Variants in SUGCT observed in about 807,000 individuals in gnomAD.
The protein encoded by SUGCT is succinyl-CoA:glutarate CoA-transferase.
In SUGCT, 41 loss-of-function variants were observed where a neutral mutation model predicts 55.0. The observed-to-expected ratio is 0.74, with a 90% CI of 0.58 to 0.97. SUGCT has a LOEUF of 0.97. Among genes scored for constraint, SUGCT ranks in the 50% least tolerant of loss-of-function variants. The pLI, the probability that SUGCT is intolerant of heterozygous loss-of-function variation, is 0.00. For missense variants in SUGCT, 568 were observed against 547.8 expected (o/e 1.04, Z -0.37); for synonymous variants, 187 against 200.4 (o/e 0.93, Z 0.56).
At chr7:40,827,002 T>C (rs1792347040) in intron 13 of SUGCT, among the ~76,000 whole-genome samples, 1 of 152,178 alleles carries the variant, frequency 6.6e-6, no homozygotes, top group Non-Finnish European at 1.5e-5. Flanking sequence ...CCACTAGATT[T>C]TTCTATCTTC....
chr7:40,192,237 G>C (rs1244290306), intron 5 of SUGCT, among the ~76,000 whole-genome samples: 2 of 151,868 alleles, frequency 1.3e-5, no homozygotes, highest in Non-Finnish European at 2.9e-5. Context: ...AAGGCAATCA[G>C]CTGGATACAT....
intron 12 of SUGCT, among the ~76,000 whole-genome samples, chr7:40,520,185 G>A (rs1414938339): frequency 6.6e-6 from 1 of 151,792 alleles, no homozygotes; most frequent in African/African-American, 2.4e-5. Flanking sequence ...TTAGACAAAC[G>A]GAATAAAAAC....
rs1386649689 is a variant in SUGCT, at chr7:40,242,920, TATATATATATATA to T, written c.576+5195_576+5207del. 3.1e-3 allele frequency among the ~76,000 whole-genome samples: 85 copies of T among 27,692 alleles called. 1 individual carries two copies. Among genetic ancestry groups the T allele is most frequent in the Non-Finnish European group, 6.0e-3 (77 of 12,860 alleles). The allele number at this position is 27,692 out of a possible 152,430, so 18.2% of individuals were successfully genotyped here. A position where few individuals can be genotyped will look rare whatever the true frequency, so the allele number is the denominator to read the frequency against. ...GTGCTATGTGGCATATATATATATA[TATATATATATATA>T]TTTTTTTTTTTTTTTTTTTTTTTTT... On this transcript the variant is annotated intron_variant, in intron 7 of 13. Transcript: ENST00000335693.
chr7:41,008,641 T>A, the SUGCT span, among the ~76,000 whole-genome samples: 1 of 151,772 alleles, frequency 6.6e-6, no homozygotes, highest in Admixed American at 6.6e-5. Context: ...ATCTTGAGTC[T>A]GCCAGCTCTG....
At chr7:40,709,098 T>C (rs1785571915) in intron 12 of SUGCT, among the ~76,000 whole-genome samples, 1 of 152,346 alleles carries the variant, frequency 6.6e-6, no homozygotes, top group South Asian at 2.1e-4. Flanking sequence ...TCAGGAATTA[T>C]GATGACATAA....
At chr7:40,479,068 A>G (rs1479595648) in intron 11 of SUGCT, among the ~76,000 whole-genome samples, 7 of 151,956 alleles carry the variant, frequency 4.6e-5, no homozygotes, top group East Asian at 1.9e-4. Flanking sequence ...ATGTGTACCT[A>G]TATATATACA....
At chr7:40,181,484 G>A (rs966351589) in intron 2 of SUGCT, among the ~76,000 whole-genome samples, 5 of 152,036 alleles carry the variant, frequency 3.3e-5, no homozygotes, top group African/African-American at 1.2e-4. Context: ...GGTGGCTCAC[G>A]CCTGTAATCC....
intron 13 of SUGCT, among the ~76,000 whole-genome samples, chr7:40,810,023 C>A (rs916288078): frequency 1.3e-5 from 2 of 152,082 alleles, no homozygotes; most frequent in Non-Finnish European, 2.9e-5. Flanking sequence ...TTGATCTAAT[C>A]CATCTTTCAT....
intron 13 of SUGCT, among the ~76,000 whole-genome samples, chr7:40,776,578 A>G (rs972660329): frequency 6.6e-6 from 1 of 152,198 alleles, no homozygotes; most frequent in African/African-American, 2.4e-5. Flanking sequence ...CCTAGAGGCT[A>G]TAAGTTTCAT....
intron 11 of SUGCT, among the ~76,000 whole-genome samples, chr7:40,488,436 C>T (rs990511183): frequency 7.9e-5 from 12 of 152,056 alleles, no homozygotes; most frequent in South Asian, 2.1e-4. Context: ...TATTCTTTAA[C>T]GAATTATCAT....
At chr7:40,268,513 T>C (rs1284841789) in intron 7 of SUGCT, among the ~76,000 whole-genome samples, 1 of 152,254 alleles carries the variant, frequency 6.6e-6, no homozygotes, top group Non-Finnish European at 1.5e-5. Flanking sequence ...TCCTACCATA[T>C]GGCTAGTCCC....
intron 12 of SUGCT, among the ~76,000 whole-genome samples, chr7:40,731,615 C>G (rs1786892768): frequency 6.6e-6 from 1 of 152,140 alleles, no homozygotes; most frequent in Non-Finnish European, 1.5e-5. Context: ...CCACCCCACC[C>G]TAGGAATCAC....
chr7:40,341,295 G>A (rs1797028704), intron 9 of SUGCT, among the ~76,000 whole-genome samples: 2 of 151,900 alleles, frequency 1.3e-5, no homozygotes, highest in African/African-American at 4.8e-5. Context: ...CAAGCACCAG[G>A]AAAAAAGCAA....
At chr7:40,704,284 G>A (rs1785296073) in intron 12 of SUGCT, among the ~76,000 whole-genome samples, 1 of 152,124 alleles carries the variant, frequency 6.6e-6, no homozygotes, top group Non-Finnish European at 1.5e-5. Flanking sequence ...CTGTAAGTGG[G>A]GATATCTACC....
At chr7:40,692,972 G>T (rs1433664203) in intron 12 of SUGCT, among the ~76,000 whole-genome samples, 1 of 152,112 alleles carries the variant, frequency 6.6e-6, no homozygotes, top group African/African-American at 2.4e-5. Flanking sequence ...AGCTAGTAGG[G>T]GTCATCTTTG....
At chr7:40,968,824 G>T in the SUGCT span, among the ~76,000 whole-genome samples, 249 of 152,238 alleles carry the variant, frequency 1.6e-3, no homozygotes, top group Non-Finnish European at 3.0e-3. Flanking sequence ...AGCTGCTACA[G>T]GACATGGGCC....
intron 9 of SUGCT, among the ~76,000 whole-genome samples, chr7:40,337,233 G>C (rs940746605): frequency 1.3e-5 from 2 of 152,146 alleles, no homozygotes; most frequent in Admixed American, 6.5e-5. Context: ...TGCTGATTTG[G>C]GATGGAGAGT....
chr7:41,032,840 T>C, the SUGCT span, among the ~76,000 whole-genome samples: 1 of 152,224 alleles, frequency 6.6e-6, no homozygotes, highest in African/African-American at 2.4e-5. Flanking sequence ...CTTGGCTCAC[T>C]GCAACCTCTG....
chr7:40,245,424 T>TATATATATATA (rs59609393), intron 7 of SUGCT, among the ~76,000 whole-genome samples: 19 of 11,598 alleles, frequency 1.6e-3, no homozygotes, highest in East Asian at 0.012. Context: ...TATATATATA[T>TATATATATATA]TTTTTTTTTT....
Sources: allele counts gnomAD v4.1 joint callset (sites outside exome capture counted in the v4.1 genomes callset), GRCh38; gene constraint gnomAD v4.1.1; transcripts MANE v1.5; gene names NCBI Gene and HGNC (gene_info 2026-07-23, HGNC 2026-07-21).